The following STXBP4 variants were observed in gnomAD, a reference collection of about 807,000 sequenced individuals.
STXBP4 encodes syntaxin-binding protein 4.
In STXBP4, 55 loss-of-function variants were observed where a neutral mutation model predicts 76.1. The observed-to-expected ratio is 0.72, with a 90% CI of 0.58 to 0.91. The LOEUF (loss-of-function observed/expected upper bound fraction) is 0.91, where lower values mean the gene tolerates loss of function less well. Among genes scored for constraint, STXBP4 ranks in the 40% least tolerant of loss-of-function variants. The probability of loss-of-function intolerance (pLI) is 0.00; values close to 1 mark genes in which losing one functional copy is unlikely to be tolerated. For synonymous variants in STXBP4, 201 were observed against 220.2 expected (o/e 0.91, Z 0.77); for missense variants, 618 against 636.9 (o/e 0.97, Z 0.32).
intron 11 of STXBP4, 126 bp from the exon 12 acceptor site, chr17:55,046,963 G>T: frequency 1.8e-6 from 1 of 548,796 alleles, no homozygotes; most frequent in East Asian, 3.0e-5. Context: ...AAAATGACTA[G>T]GAGCAATATT....
At chr17:55,093,844 G>A (rs2079448464) in intron 16 of STXBP4, among the ~76,000 whole-genome samples, 3 of 152,090 alleles carry the variant, frequency 2.0e-5, no homozygotes, top group African/African-American at 7.2e-5. Flanking sequence ...CAGACCCTAG[G>A]ATAACAACAC....
rs551292679 is a variant in STXBP4, at chr17:55,109,624, C to CTT, written c.1489+28463_1489+28464dup. ...TACCAAATGGCCACAAACTCAATGTCTTTTTTTTTTTTTTTTTTTTTTTAT... is the reference window on the plus strand; with the variant it reads ...TACCAAATGGCCACAAACTCAATGTCTTTTTTTTTTTTTTTTTTTTTTTTTAT... On this transcript the variant is annotated intron_variant, in intron 16 of 17. Coordinates refer to ENST00000376352, the MANE Select transcript of STXBP4 (RefSeq NM_178509.6). Among the ~76,000 whole-genome samples the CTT allele has an allele frequency of 8.6e-3, 978 of 114,182 alleles. 6 individuals carry two copies. Among genetic ancestry groups the CTT allele is most frequent in the African/African-American group, 0.021 (615 of 29,502 alleles). The allele number at this position is 114,182 out of a possible 152,430, so 74.9% of individuals were successfully genotyped here.
At chr17:55,185,329 C>CCTTCTCCTTCTCCTT in the STXBP4 span, among the ~76,000 whole-genome samples, 8 of 138,384 alleles carry the variant, frequency 5.8e-5, no homozygotes, top group South Asian at 5.0e-4. Context: ...TTCTCCTTCT[C>CCTTCTCCTTCTCCTT]CTCCTCCTCC....
At chr17:54,986,451 G>T (rs2077628174) in intron 3 of STXBP4, among the ~76,000 whole-genome samples, 185 bp downstream of exon 3, 1 of 152,064 alleles carries the variant, frequency 6.6e-6, no homozygotes, top group Non-Finnish European at 1.5e-5. Context: ...AACAAAATCT[G>T]CATTCTCTTT....
the STXBP4 span, among the ~76,000 whole-genome samples, chr17:55,199,562 T>C: frequency 1.3e-5 from 2 of 152,220 alleles, no homozygotes; most frequent in African/African-American, 4.8e-5. Flanking sequence ...TCTCCTGTTT[T>C]CAATTTAAAC....
the STXBP4 span, among the ~76,000 whole-genome samples, chr17:55,196,344 T>C: frequency 6.6e-6 from 1 of 152,122 alleles, no homozygotes; most frequent in African/African-American, 2.4e-5. Flanking sequence ...ACACACCCCA[T>C]ACTCCAGCCA....
Position 55,007,562 on chromosome 17 carries a change from C to A in STXBP4, c.631C>A (p.Pro211Thr). The A allele has an allele frequency of 1.2e-6, 2 of 1,607,588 alleles. No homozygotes were observed. The highest frequency in any genetic ancestry group is 1.7e-6 in the Non-Finnish European group (2 of 1,178,404). The change falls in exon 8 of 18, where the codon CCC (proline) becomes ACC (threonine). Residue 211 changes from proline to threonine, a missense_variant. Pro to Thr is a conservative substitution (Grantham distance 38). Transcript: ENST00000376352. ...GCTACAAGAAAAGATCTCCCTAAAT[C>A]CCTCTGTTCGCTTTAAGGCAGAGAA... Reference protein sequence around the residue: ...YGLQEKISLNPSVRFKAEKLE... With the variant: ...YGLQEKISLNTSVRFKAEKLE...
the STXBP4 span, among the ~76,000 whole-genome samples, chr17:55,206,857 GAAAAAAAAAAAA>G: frequency 1.9e-5 from 2 of 103,164 alleles, no homozygotes. Flanking sequence ...CTCCGTCTCA[GAAAAAAAAAAAA>G]AAAAAAAAGG....
Position 55,040,066 on chromosome 17 carries a change from G to A in STXBP4, c.856-3170G>A, listed in dbSNP as rs972598600. Among the ~76,000 whole-genome samples, 44 of 152,088 alleles carry A rather than the reference G, an allele frequency of 2.9e-4. 2 individuals are homozygous for A. On this transcript the variant is annotated intron_variant, in intron 10 of 17. Coordinates refer to ENST00000376352, the MANE Select transcript of STXBP4 (RefSeq NM_178509.6). ...TCCCAAACCCCCTTTCTCCATTTAAGGAGTAGACATGAAAGTAACTCATTG... is the reference window on the plus strand; with the variant it reads ...TCCCAAACCCCCTTTCTCCATTTAAAGAGTAGACATGAAAGTAACTCATTG...
At chr17:54,979,219 C>A (rs2077514400) in intron 1 of STXBP4, among the ~76,000 whole-genome samples, 1 of 152,086 alleles carries the variant, frequency 6.6e-6, no homozygotes, top group African/African-American at 2.4e-5. Flanking sequence ...CTTTTTCTAA[C>A]CCTCTTTTTC....
At chr17:55,192,768 G>A in the STXBP4 span, among the ~76,000 whole-genome samples, 1 of 152,208 alleles carries the variant, frequency 6.6e-6, no homozygotes, top group African/African-American at 2.4e-5. Flanking sequence ...CAGGCTTAGA[G>A]AGATTAACTA....
In STXBP4 at chr17:55,167,616, A is replaced by G. The variant is rs1437117405; in HGVS notation, c.*7705A>G. 1 of 152,248 alleles carries G rather than the reference A, an allele frequency of 6.6e-6. No individual in the cohort carries two copies. Among genetic ancestry groups the G allele is most frequent in the Non-Finnish European group, 1.5e-5 (1 of 68,030 alleles). 9.4% of individuals were successfully genotyped at this position (152,248 alleles called of 1,614,324 possible). On this transcript the variant is annotated 3_prime_UTR_variant, in exon 18 of 18. Coordinates refer to ENST00000376352, the MANE Select transcript of STXBP4 (RefSeq NM_178509.6). ...AGAAATACCACAGAATGATTTTGGT[A>G]TAGAAGGGTAGATAAAGCCTGAAAC...
At position 55,083,855 on chromosome 17, in the gene STXBP4, G is replaced by A. The variant is rs557071476; in HGVS notation, c.1489+2672G>A. ...CCAGCCTCAGAAGTCACACAGCCTC[G>A]CTTTCACCATATTCTATTCATCAAT... On this transcript the variant is annotated intron_variant, in intron 16 of 17. Transcript: ENST00000376352. Among the ~76,000 whole-genome samples, 278 of 152,230 alleles carry A rather than the reference G, an allele frequency of 1.8e-3. 1 individual carries two copies. Among genetic ancestry groups the A allele is most frequent in the African/African-American group, 6.2e-3 (259 of 41,548 alleles).
chr17:55,103,905 CACTTACG>C (rs991365231), intron 16 of STXBP4, among the ~76,000 whole-genome samples: 1 of 152,142 alleles, frequency 6.6e-6, no homozygotes, highest in Non-Finnish European at 1.5e-5. Context: ...AATGGGACTT[CACTTACG>C]TTGCAGCTCT....
intron 4 of STXBP4, among the ~76,000 whole-genome samples, chr17:54,994,638 G>A (rs944895295): frequency 2.6e-5 from 4 of 151,964 alleles, no homozygotes; most frequent in East Asian, 1.9e-4. Context: ...CAGTAGCATC[G>A]TTTGTTCTTA....
At chr17:55,124,529 A>C (rs541419145) in intron 16 of STXBP4, among the ~76,000 whole-genome samples, 1 of 152,280 alleles carries the variant, frequency 6.6e-6, no homozygotes, top group South Asian at 2.1e-4. Context: ...TTATCCTTCA[A>C]ATTTATTTTT....
chr17:55,020,213 A>G (rs1036816069), intron 8 of STXBP4, among the ~76,000 whole-genome samples: 2 of 152,126 alleles, frequency 1.3e-5, no homozygotes, highest in East Asian at 1.9e-4. Flanking sequence ...GCATCTTCTT[A>G]TCTATCTGTG....
At chr17:55,137,261 C>G (rs868585818) in intron 16 of STXBP4, among the ~76,000 whole-genome samples, 1 of 151,526 alleles carries the variant, frequency 6.6e-6, no homozygotes, top group Admixed American at 6.6e-5. Context: ...TATCTCCCCC[C>G]ACACCTCCAT....
intron 17 of STXBP4, among the ~76,000 whole-genome samples, chr17:55,158,394 G>T (rs184075139): frequency 1.4e-4 from 21 of 152,334 alleles, no homozygotes; most frequent in Middle Eastern, 3.4e-3. Flanking sequence ...CTGAGGTTGA[G>T]TTTGGGGAGG....
Sources: gnomAD v4.1 joint callset for allele counts (sites outside exome capture counted in the v4.1 genomes callset) on GRCh38, gnomAD v4.1.1 for gene constraint, MANE v1.5 for transcripts, NCBI Gene and HGNC (gene_info 2026-07-23, HGNC 2026-07-21) for gene names.